The following TUFT1 variants were observed in gnomAD, a reference collection of about 807,000 sequenced individuals.
TUFT1 encodes the protein tuftelin.
In TUFT1, 43 loss-of-function variants were observed where a neutral mutation model predicts 57.8. That is an observed-to-expected ratio of 0.74 (90% CI 0.58 to 0.96). The LOEUF (loss-of-function observed/expected upper bound fraction) is 0.96. TUFT1 is among the 40% of genes least tolerant of loss of function. The pLI is 0.00. For synonymous variants in TUFT1, 166 were observed against 176.7 expected (o/e 0.94, Z 0.48); for missense variants, 459 against 489.0 (o/e 0.94, Z 0.58).
intron 1 of TUFT1, among the ~76,000 whole-genome samples, chr1:151,555,963 C>T (rs1165489500): frequency 6.6e-6 from 1 of 152,068 alleles, no homozygotes; most frequent in East Asian, 1.9e-4. Flanking sequence ...ACCAAAAGCA[C>T]CCCTCATGTT....
intron 1 of TUFT1, among the ~76,000 whole-genome samples, chr1:151,548,227 C>A (rs141043732): frequency 0.01 from 1,597 of 152,212 alleles, 32 homozygotes; most frequent in African/African-American, 0.036. Context: ...GTTTATGGGA[C>A]TTCCTTCATC....
chr1:151,560,681 A>G (rs956700536), intron 1 of TUFT1, among the ~76,000 whole-genome samples: 3 of 152,064 alleles, frequency 2.0e-5, no homozygotes, highest in Non-Finnish European at 4.4e-5. Context: ...ATTTCTCTTC[A>G]TTGTCTGGGA....
At chr1:151,566,931 TTGAC>T (rs998332481) in intron 6 of TUFT1, among the ~76,000 whole-genome samples, 1 of 152,166 alleles carries the variant, frequency 6.6e-6, no homozygotes, top group African/African-American at 2.4e-5. Flanking sequence ...GATTGATTGA[TTGAC>T]TGACTGACAG....
chr1:151,558,011 A>T (rs1665769063), intron 1 of TUFT1: 2 of 442,876 alleles, frequency 4.5e-6, no homozygotes, highest in Admixed American at 3.0e-5. Flanking sequence ...AAGAAAACCT[A>T]AGAGGGGAAG....
chr1:151,564,519 T>G lies in TUFT1; in HGVS notation c.325-6T>G, dbSNP rs1331209823. 1 of 1,613,138 alleles carries G rather than the reference T, an allele frequency of 6.2e-7. No homozygotes were observed. Reference sequence around the variant, plus strand: ...AAAGCTCAAGTTTCTTCCCCTCCCCTCCCAGGCCAGGAACTGCCTACAGAA... The same window carrying G: ...AAAGCTCAAGTTTCTTCCCCTCCCCGCCCAGGCCAGGAACTGCCTACAGAA... On this transcript the variant is annotated splice_polypyrimidine_tract_variant and splice_region_variant and intron_variant, in intron 4 of 12. Transcript: ENST00000368849.
At chr1:151,569,979 G>C (rs1229865776) in intron 7 of TUFT1, among the ~76,000 whole-genome samples, 2 of 152,174 alleles carry the variant, frequency 1.3e-5, no homozygotes, top group Admixed American at 1.3e-4. Flanking sequence ...TAGTTCAAAG[G>C]TCAGCTCGGG....
intron 1 of TUFT1, chr1:151,561,473 G>GCGCGCACACACACACA (rs1265237275): frequency 3.2e-6 from 1 of 314,262 alleles, no homozygotes; most frequent in Non-Finnish European, 4.4e-6. Flanking sequence ...GCGCGCGCGC[G>GCGCGCACACACACACA]CACACACACA....
intron 6 of TUFT1, among the ~76,000 whole-genome samples, chr1:151,569,243 G>A (rs1269907433): frequency 6.6e-6 from 1 of 152,120 alleles, no homozygotes; most frequent in African/African-American, 2.4e-5. Context: ...TGTGATGGGC[G>A]CGACATAGTC....
intron 9 of TUFT1, among the ~76,000 whole-genome samples, chr1:151,576,114 G>A (rs1253780730): frequency 1.3e-5 from 2 of 152,192 alleles, no homozygotes; most frequent in African/African-American, 4.8e-5. Flanking sequence ...AGACTGAGAA[G>A]TAGGGCATTG....
intron 1 of TUFT1, among the ~76,000 whole-genome samples, chr1:151,559,031 C>A (rs1174213752): frequency 2.0e-5 from 3 of 152,130 alleles, no homozygotes; most frequent in Non-Finnish European, 2.9e-5. Flanking sequence ...GTGATCCACC[C>A]ACCTTGGCCT....
chr1:151,561,080 G>A (rs1427246151), intron 1 of TUFT1, among the ~76,000 whole-genome samples: 1 of 150,776 alleles, frequency 6.6e-6, no homozygotes, highest in Non-Finnish European at 1.5e-5. Flanking sequence ...TACAAGCTCC[G>A]CCTCCCGGGT....
chr1:151,575,020 C>T lies in TUFT1; in HGVS notation c.818+15C>T, dbSNP rs1666412357. On this transcript the variant is annotated intron_variant, in intron 9 of 12. Transcript: ENST00000368849. ...GAACGAGAAAAGTAAGGGCTTGGCT[C>T]TTGTTCACGGTGAAGTTGGGTTGCA... 4.5e-6 allele frequency: 7 copies of T among 1,552,824 alleles called. No individual in the cohort carries two copies. The highest frequency in any genetic ancestry group is 6.1e-6 in the Non-Finnish European group (7 of 1,147,438).
chr1:151,566,717 G>A (rs1379041334), intron 6 of TUFT1, among the ~76,000 whole-genome samples: 1 of 151,764 alleles, frequency 6.6e-6, no homozygotes, highest in Non-Finnish European at 1.5e-5. Context: ...ATATATACAT[G>A]ATAAATATAT....
intron 1 of TUFT1, among the ~76,000 whole-genome samples, chr1:151,559,585 G>A (rs1221889110): frequency 6.6e-6 from 1 of 152,204 alleles, no homozygotes; most frequent in Non-Finnish European, 1.5e-5. Context: ...TACCCAGACT[G>A]TGGAAAGCCT....
At chr1:151,573,693 A>G (rs1380269381) in intron 7 of TUFT1, among the ~76,000 whole-genome samples, 3 of 152,316 alleles carry the variant, frequency 2.0e-5, no homozygotes, top group East Asian at 1.9e-4. Context: ...GCATTGAGCC[A>G]AGATCGTGCC....
At chr1:151,581,533 C>G in intron 12 of TUFT1, 111 bp from the exon 13 acceptor site, 3 of 1,018,462 alleles carry the variant, frequency 2.9e-6, no homozygotes, top group Non-Finnish European at 4.5e-6. Context: ...TCAGCCAGCA[C>G]TGCAGTGTAA....
intron 1 of TUFT1, among the ~76,000 whole-genome samples, chr1:151,552,032 A>G (rs1427276591): frequency 6.6e-6 from 1 of 152,194 alleles, no homozygotes; most frequent in African/African-American, 2.4e-5. Flanking sequence ...CCTCAAGGGT[A>G]ACCACTATCC....
intron 1 of TUFT1, among the ~76,000 whole-genome samples, chr1:151,545,012 T>C (rs929182178): frequency 3.3e-5 from 5 of 152,126 alleles, no homozygotes; most frequent in Admixed American, 1.3e-4. Context: ...AGCATTGTGG[T>C]CAAGAGCATG....
intron 7 of TUFT1, among the ~76,000 whole-genome samples, chr1:151,571,157 G>T: frequency 6.6e-6 from 1 of 152,208 alleles, no homozygotes; most frequent in Admixed American, 6.5e-5. Context: ...AAAGAGAAAG[G>T]CCAGCTTGAA....
Sources: gnomAD v4.1 joint callset for allele counts (sites outside exome capture counted in the v4.1 genomes callset) on GRCh38, gnomAD v4.1.1 for gene constraint, MANE v1.5 for transcripts, NCBI Gene and HGNC (gene_info 2026-07-23, HGNC 2026-07-21) for gene names.